PDS5B: variants seen among roughly 807,000 people sequenced by gnomAD.
PDS5B encodes PDS5 cohesin associated factor B, also known as sister chromatid cohesion protein PDS5 homolog B.
A neutral mutation model predicts 184.1 loss-of-function variants in PDS5B; 51 were observed. The ratio of observed to expected loss-of-function variants is 0.28; its 90% CI spans 0.22 to 0.35. PDS5B has a LOEUF of 0.35. Ranked by LOEUF, PDS5B falls within the 10% of genes least tolerant of loss-of-function variation. The pLI is 1.00. For synonymous variants in PDS5B, 566 were observed against 569.2 expected, an observed-to-expected ratio of 0.99 and a Z score of 0.08; for missense variants, 1,180 against 1,723.3, an observed-to-expected ratio of 0.68 and a Z score of 5.58.
intron 1 of PDS5B, among the ~76,000 whole-genome samples, chr13:32,606,109 T>C (rs1385545186): frequency 1.3e-5 from 2 of 152,218 alleles, no homozygotes; most frequent in Non-Finnish European, 2.9e-5. Context: ...ATCCTGTCAT[T>C]ATGATGTTAG....
chr13:32,757,131 A>T (rs76651895), intron 26 of PDS5B, among the ~76,000 whole-genome samples: 36 of 130,196 alleles, frequency 2.8e-4, no homozygotes, highest in Non-Finnish European at 3.9e-4. Context: ...TGTCTCTATT[A>T]AAAAAAAAAA....
In PDS5B at chr13:32,760,654, G is replaced by A. The variant is rs1156563527; in HGVS notation, c.3452G>A (p.Arg1151Gln). ...AAGCAATCTCAGACCAAATCATCAC[G>A]AATGGAAACTGTAAGCAATGCAAGC... ...AGKQSQTKSS[R>Q]METVSNASSS... Residue 1151 changes from arginine to glutamine, a missense_variant, in exon 30 of 35, where the codon CGA becomes CAA. Around this residue, in one of 11 missense-constraint regions of PDS5B, gnomAD observed 465 missense variants for 497.8 expected, o/e 0.93. Coordinates refer to ENST00000315596, the MANE Select transcript of PDS5B (RefSeq NM_015032.4). 6.2e-7 allele frequency: 1 copy of A among 1,613,770 alleles called. No individual in the cohort carries two copies. The highest frequency in any genetic ancestry group is 1.3e-5 in the African/African-American group (1 of 74,878).
intron 12 of PDS5B, 117 bp downstream of exon 12, chr13:32,687,402 A>G: frequency 1.4e-6 from 1 of 721,016 alleles, no homozygotes; most frequent in Non-Finnish European, 2.2e-6. Context: ...TTTTAGTGCA[A>G]GGTAATGGTA....
intron 19 of PDS5B, among the ~76,000 whole-genome samples, chr13:32,720,635 A>G (rs1952639139): frequency 1.3e-5 from 2 of 150,050 alleles, no homozygotes; most frequent in African/African-American, 4.9e-5. Flanking sequence ...TTATTTTATT[A>G]TTTTTTTTTA....
chr13:32,647,369 C>G (rs896477554), intron 1 of PDS5B, among the ~76,000 whole-genome samples: 1 of 152,176 alleles, frequency 6.6e-6, no homozygotes, highest in African/African-American at 2.4e-5. Flanking sequence ...CTCCTGGGTT[C>G]AAGCAGCTCC....
chr13:32,711,390 C>T (rs1216156728), intron 19 of PDS5B, among the ~76,000 whole-genome samples: 1 of 152,062 alleles, frequency 6.6e-6, no homozygotes, highest in Non-Finnish European at 1.5e-5. Context: ...TGAAGTCTTA[C>T]TCTGTCACCC....
intron 6 of PDS5B, among the ~76,000 whole-genome samples, chr13:32,664,393 G>A (rs3119702): frequency 0.7 from 107,088 of 152,134 alleles, 38,242 homozygotes; most frequent in African/African-American, 0.83. Flanking sequence ...ACAAAGATGT[G>A]AGGTACTTAG....
chr13:32,651,782 T>G, intron 2 of PDS5B, 22 bp from the exon 3 acceptor site: 1 of 1,460,344 alleles, frequency 6.8e-7, no homozygotes, highest in East Asian at 2.3e-5. Flanking sequence ...ATTTCATTAT[T>G]TGATTTTTTA....
chr13:32,714,296 A>G (rs1215872617), intron 19 of PDS5B, among the ~76,000 whole-genome samples: 1 of 152,220 alleles, frequency 6.6e-6, no homozygotes, highest in African/African-American at 2.4e-5. Context: ...CGGTCTGACC[A>G]AAATTTATTA....
In PDS5B at chr13:32,678,925, A is replaced by C; in HGVS notation, c.1053A>C (p.Leu351Phe). 1 of 1,515,254 alleles carries C rather than the reference A, an allele frequency of 6.6e-7. No homozygotes were observed. The highest frequency in any genetic ancestry group is 9.2e-7 in the Non-Finnish European group (1 of 1,089,910). 93.9% of individuals were successfully genotyped at this position (1,515,254 alleles called of 1,614,324 possible). Reference protein sequence around the residue: ...LMNHPDLAKDLTEYLKVRSHD... With the variant: ...LMNHPDLAKDFTEYLKVRSHD... ...ACCATCCTGATTTAGCAAAAGACTTAACAGGTACTATATATATGTAACAGC... is the reference window on the plus strand; with the variant it reads ...ACCATCCTGATTTAGCAAAAGACTTCACAGGTACTATATATATGTAACAGC... The change falls in exon 10 of 35, where the codon TTA becomes TTC. Residue 351 changes from leucine to phenylalanine, a missense_variant. Leu to Phe is a conservative substitution (Grantham distance 22). Around this residue, in one of 11 missense-constraint regions of PDS5B, gnomAD observed 475 missense variants for 691.5 expected, o/e 0.69. Transcript: ENST00000315596.
chr13:32,631,119 T>C (rs867919738), intron 1 of PDS5B, among the ~76,000 whole-genome samples: 20 of 58,256 alleles, frequency 3.4e-4, no homozygotes, highest in African/African-American at 5.9e-4. Flanking sequence ...TTTTTCTTTC[T>C]TTTTTTTTTT....
chr13:32,749,640 C>G (rs1274882036), intron 24 of PDS5B, among the ~76,000 whole-genome samples: 1 of 152,046 alleles, frequency 6.6e-6, no homozygotes, highest in Non-Finnish European at 1.5e-5. Flanking sequence ...AGCTAACAAT[C>G]TCTTAGGAGA....
At chr13:32,689,540 T>G (rs1467554020) in intron 13 of PDS5B, 1 of 152,124 alleles carries the variant, frequency 6.6e-6, no homozygotes, top group Non-Finnish European at 1.5e-5. Context: ...CTGTCCGGCC[T>G]TTTACAGAAA....
At position 32,628,167 on chromosome 13, in the gene PDS5B, C is replaced by A. The variant is rs544617708; in HGVS notation, c.-19-20587C>A. Among the ~76,000 whole-genome samples, 13 of 152,234 alleles carry A rather than the reference C, an allele frequency of 8.5e-5. No homozygotes were observed. In the East Asian group the frequency reaches 2.5e-3, roughly 29 times the overall value. On this transcript the variant is annotated intron_variant, in intron 1 of 34. Transcript: ENST00000315596. Reference sequence around the variant, plus strand: ...TTTAAAAAATACTTTATTACAAATACTTTGAAATAACATATCTACAAGAGA... The same window carrying A: ...TTTAAAAAATACTTTATTACAAATAATTTGAAATAACATATCTACAAGAGA...
At chr13:32,655,374 A>ATATATATATATATT in intron 3 of PDS5B, among the ~76,000 whole-genome samples, 25 of 72,458 alleles carry the variant, frequency 3.5e-4, no homozygotes, top group African/African-American at 1.8e-3. Flanking sequence ...ATATATATAT[A>ATATATATATATATT]TTTTTTTTTT....
intron 1 of PDS5B, among the ~76,000 whole-genome samples, chr13:32,596,701 G>A (rs1307360680): frequency 6.6e-6 from 1 of 151,906 alleles, no homozygotes; most frequent in Non-Finnish European, 1.5e-5. Context: ...GGTGTGGAAG[G>A]GTATCTCATT....
chr13:32,758,420 T>A (rs1954262677), intron 27 of PDS5B, 114 bp from the exon 28 acceptor site: 2 of 1,105,782 alleles, frequency 1.8e-6, no homozygotes, highest in African/African-American at 3.1e-5. Flanking sequence ...ACACAGACTG[T>A]TGCTTTCATT....
intron 24 of PDS5B, among the ~76,000 whole-genome samples, chr13:32,752,854 T>A (rs770289982): frequency 1.4e-4 from 22 of 152,130 alleles, no homozygotes; most frequent in Non-Finnish European, 2.6e-4. Context: ...AGAGACAGGG[T>A]CTTGCTATGT....
intron 21 of PDS5B, among the ~76,000 whole-genome samples, chr13:32,736,668 AT>A (rs1953339692): frequency 6.6e-6 from 1 of 152,022 alleles, no homozygotes. Flanking sequence ...ACTTTAAATA[AT>A]TTTTAGGCAT....
Sources: gnomAD v4.1 joint callset for allele counts (sites outside exome capture counted in the v4.1 genomes callset) on GRCh38, gnomAD v4.1.1 for gene constraint, gnomAD v4.1.1 regional missense constraint, MANE v1.5 for transcripts, NCBI Gene and HGNC (gene_info 2026-07-23, HGNC 2026-07-21) for gene names.